Variants in RBM33 observed in about 807,000 individuals in gnomAD.
RBM33 encodes the protein RNA-binding protein 33.
Under a neutral mutation model 132.6 loss-of-function variants are expected in RBM33, and 28 were observed. That is an observed-to-expected ratio of 0.21 (90% confidence interval 0.16 to 0.29). The LOEUF is 0.29. Ranked by LOEUF, RBM33 falls within the 10% of genes least tolerant of loss-of-function variation. RBM33 has a pLI of 1.00. For synonymous variants in RBM33, 634 were observed against 593.0 expected, an observed-to-expected ratio of 1.07 and a Z score of -1.01; for missense variants, 1,291 against 1,518.5, an observed-to-expected ratio of 0.85 and a Z score of 2.49.
chr7:155,736,562 T>G (rs923837337), intron 9 of RBM33, among the ~76,000 whole-genome samples: 12 of 152,198 alleles, frequency 7.9e-5, no homozygotes, highest in Non-Finnish European at 1.6e-4. Flanking sequence ...TCTAGTAACA[T>G]GTAGTTTTTG....
chr7:155,713,843 A>G (rs1800379443), intron 8 of RBM33, among the ~76,000 whole-genome samples: 1 of 152,146 alleles, frequency 6.6e-6, no homozygotes, highest in South Asian at 2.1e-4. Context: ...AGATGAGAGG[A>G]AAAACTTGTC....
intron 3 of RBM33, among the ~76,000 whole-genome samples, chr7:155,675,987 AT>A (rs887085776): frequency 2.6e-5 from 4 of 151,906 alleles, no homozygotes; most frequent in African/African-American, 7.3e-5. Flanking sequence ...TGAGAATGGA[AT>A]TTTTTTTCAC....
intron 14 of RBM33, among the ~76,000 whole-genome samples, chr7:155,759,904 G>A (rs937537890): frequency 2.0e-5 from 3 of 152,136 alleles, no homozygotes; most frequent in East Asian, 1.9e-4. Flanking sequence ...TGTGAACATC[G>A]TTCCCTCCAG....
At chr7:155,729,080 C>G (rs1311762421) in intron 9 of RBM33, among the ~76,000 whole-genome samples, 1 of 151,908 alleles carries the variant, frequency 6.6e-6, no homozygotes, top group East Asian at 1.9e-4. Flanking sequence ...AGGAAACTTA[C>G]AATCATGACA....
intron 14 of RBM33, among the ~76,000 whole-genome samples, chr7:155,762,896 T>G (rs2117066437): frequency 6.6e-6 from 1 of 152,328 alleles, no homozygotes; most frequent in South Asian, 2.1e-4. Flanking sequence ...CATCCTGACA[T>G]AATTCATCAG....
intron 1 of RBM33, among the ~76,000 whole-genome samples, chr7:155,657,733 C>T (rs1047076124): frequency 5.9e-5 from 9 of 152,172 alleles, no homozygotes; most frequent in Admixed American, 3.9e-4. Flanking sequence ...CTAATTTCTT[C>T]GCTGTGTCTT....
chr7:155,762,842 C>G (rs780529841), intron 14 of RBM33, among the ~76,000 whole-genome samples: 1 of 152,186 alleles, frequency 6.6e-6, no homozygotes, highest in Admixed American at 6.5e-5. Flanking sequence ...GAGTGGGCCT[C>G]GTGCTAATAA....
chr7:155,670,671 GC>G (rs1299546495), intron 2 of RBM33, among the ~76,000 whole-genome samples: 1 of 152,164 alleles, frequency 6.6e-6, no homozygotes, highest in Non-Finnish European at 1.5e-5. Flanking sequence ...TCAATGAAAA[GC>G]TCGTGTGTGT....
Position 155,745,322 on chromosome 7 carries a change from T to C in RBM33, c.2699T>C (p.Met900Thr). ...AATTTTGTACCATCCAGTGCCAACA[T>C]GCAGTATCAAGGACAACAGATGAAA... ...TSNFVPSSAN[M>T]QYQGQQMKAL... Residue 900 changes from methionine (M) to threonine (T), a missense_variant, in exon 14 of 18, where the codon ATG becomes ACG. This residue lies in a region of RBM33 where 841 missense variants were observed against 912.0 expected (regional missense o/e 0.92). Transcript: ENST00000401878. This position sits in a 1 kb window ranked among gnomAD's most constrained non-coding sequence, Gnocchi z 4.1. The C allele has an allele frequency of 1.9e-6, 3 of 1,613,278 alleles. No individual in the cohort carries two copies. Among genetic ancestry groups the C allele is most frequent in the East Asian group, 2.2e-5 (1 of 44,882 alleles).
rs562548927 is a variant in RBM33, at chr7:155,763,914, A to T, written c.3082A>T (p.Arg1028Trp). The T allele has an allele frequency of 6.2e-7, 1 of 1,607,678 alleles. No homozygotes were observed. The highest frequency in any genetic ancestry group is 1.1e-5 in the South Asian group (1 of 89,932). ...GCCTGCCCGCAAGGTGACGCTGACC[A>T]GGGGGGGCCTCCAGCAGCCCCCACA... ...PQPARKVTLT[R>W]GGLQQPPHLP... is the part of the protein sequence containing the mutation. Residue 1028 changes from arginine to tryptophan, a missense_variant, in exon 15 of 18, where the codon AGG (arginine) becomes TGG (tryptophan). By Grantham distance (101) the Arg-to-Trp change is moderately radical. Coordinates refer to ENST00000401878, the MANE Select transcript of RBM33 (RefSeq NM_053043.3).
At chr7:155,715,176 A>T (rs892579910) in intron 8 of RBM33, among the ~76,000 whole-genome samples, 1 of 152,038 alleles carries the variant, frequency 6.6e-6, no homozygotes. Flanking sequence ...ATGAATGGAG[A>T]CATGAACACA....
chr7:155,707,453 A>C (rs1800149830), intron 7 of RBM33: 1 of 368,146 alleles, frequency 2.7e-6, no homozygotes, highest in Non-Finnish European at 5.3e-6. Flanking sequence ...TTATTTTATA[A>C]AAATATCTTT....
intron 14 of RBM33, among the ~76,000 whole-genome samples, chr7:155,763,249 C>T (rs1378843999): frequency 1.3e-5 from 2 of 152,222 alleles, no homozygotes; most frequent in African/African-American, 2.4e-5. Flanking sequence ...TGCTCTTCGG[C>T]GCTTCAGAGC....
chr7:155,770,440 G>C (rs1225830608), intron 16 of RBM33, among the ~76,000 whole-genome samples: 1 of 152,240 alleles, frequency 6.6e-6, no homozygotes. Context: ...AGGCTCTGCA[G>C]GGGCTCTCGG....
At chr7:155,770,594 CT>C (rs34251346) in intron 16 of RBM33, among the ~76,000 whole-genome samples, 3,921 of 136,220 alleles carry the variant, frequency 0.029, 65 homozygotes, top group African/African-American at 0.049. Context: ...CAGCTGATAC[CT>C]TTTTTTTTTT....
At chr7:155,690,606 C>T (rs910405509) in intron 5 of RBM33, among the ~76,000 whole-genome samples, 18 of 152,180 alleles carry the variant, frequency 1.2e-4, no homozygotes, top group African/African-American at 2.2e-4. Flanking sequence ...TGGCTGGTAC[C>T]GGTTGTTCCT....
At chr7:155,715,779 G>C (rs1800443587) in intron 8 of RBM33, among the ~76,000 whole-genome samples, 1 of 152,210 alleles carries the variant, frequency 6.6e-6, no homozygotes. Flanking sequence ...AAATAGAAAT[G>C]CACAGTTCCT....
At chr7:155,726,860 T>A (rs1161929826) in intron 9 of RBM33, among the ~76,000 whole-genome samples, 1 of 152,236 alleles carries the variant, frequency 6.6e-6, no homozygotes, top group African/African-American at 2.4e-5. Flanking sequence ...TGTGAGAATG[T>A]GGGTTCTTGT....
At chr7:155,701,536 G>A (rs994051354) in intron 6 of RBM33, 1 of 152,648 alleles carries the variant, frequency 6.6e-6, no homozygotes, top group African/African-American at 2.4e-5. Flanking sequence ...ATTATACAGT[G>A]TTTTTCAATG....
Sources: allele counts gnomAD v4.1 joint callset (sites outside exome capture counted in the v4.1 genomes callset), GRCh38; gene constraint gnomAD v4.1.1; regional missense constraint gnomAD v4.1.1; non-coding constraint Gnocchi (gnomAD v3.1); transcripts MANE v1.5; gene names NCBI Gene and HGNC (gene_info 2026-07-23, HGNC 2026-07-21).